Variants in DOCK10 observed in about 807,000 individuals in gnomAD.
DOCK10 encodes dedicator of cytokinesis protein 10.
In DOCK10, 145 loss-of-function variants were observed where a neutral mutation model predicts 280.1. The ratio of observed to expected loss-of-function variants is 0.52; its 90% CI spans 0.45 to 0.59. DOCK10 has a LOEUF of 0.59. DOCK10 is among the 20% of genes least tolerant of loss of function. DOCK10 has a pLI of 0.00. For missense variants in DOCK10, 2,368 were observed against 2,651.7 expected (o/e 0.89, Z 2.35); for synonymous variants, 915 against 942.2 (o/e 0.97, Z 0.53).
intron 1 of DOCK10, among the ~76,000 whole-genome samples, chr2:225,021,137 A>G (rs1689773651): frequency 6.6e-6 from 1 of 152,132 alleles, no homozygotes; most frequent in African/African-American, 2.4e-5. Flanking sequence ...CTTATCCAAA[A>G]CCACATTTCC....
chr2:224,917,525 G>T (rs1011396494), intron 2 of DOCK10, among the ~76,000 whole-genome samples: 3 of 151,960 alleles, frequency 2.0e-5, no homozygotes, highest in African/African-American at 7.3e-5. Flanking sequence ...GCGTGTGTGC[G>T]TGTGCCTGTG....
chr2:224,855,865 A>T lies in DOCK10; in HGVS notation c.1809-823T>A, dbSNP rs113255678. Among the ~76,000 whole-genome samples, 594 of 152,336 alleles carry T rather than the reference A, an allele frequency of 3.9e-3. 2 individuals are homozygous for T. Among genetic ancestry groups the T allele is most frequent in the African/African-American group, 0.01 (429 of 41,582 alleles). On this transcript the variant is annotated intron_variant, in intron 15 of 55. Transcript: ENST00000258390. ...CACAGCCGTTAATAAAAATTAAGTTACATAAACTTACCATTAAAGAAATTA... is the reference window on the plus strand; with the variant it reads ...CACAGCCGTTAATAAAAATTAAGTTTCATAAACTTACCATTAAAGAAATTA...
At chr2:224,823,858 T>A (rs1694668456) in intron 27 of DOCK10, among the ~76,000 whole-genome samples, 1 of 152,220 alleles carries the variant, frequency 6.6e-6, no homozygotes, top group East Asian at 1.9e-4. Context: ...TTTTGGTCAA[T>A]AAAATTTTCA....
At chr2:225,028,229 G>A (rs1027001030) in intron 1 of DOCK10, among the ~76,000 whole-genome samples, 4 of 152,116 alleles carry the variant, frequency 2.6e-5, no homozygotes, top group Non-Finnish European at 4.4e-5. Context: ...AAGCAGAAGC[G>A]TGGGTCCGAG....
chr2:225,002,156 G>A (rs1241867442), intron 1 of DOCK10, among the ~76,000 whole-genome samples: 1 of 152,140 alleles, frequency 6.6e-6, no homozygotes, highest in Admixed American at 6.5e-5. Context: ...AATGTGAAAG[G>A]CTATGTGGCT....
At chr2:224,882,946 C>G (rs975818453) in intron 7 of DOCK10, among the ~76,000 whole-genome samples, 1 of 152,184 alleles carries the variant, frequency 6.6e-6, no homozygotes, top group Non-Finnish European at 1.5e-5. Context: ...TGACAAGTGA[C>G]CCAGGTTTTG....
chr2:224,988,596 G>A (rs1325432985), intron 1 of DOCK10, among the ~76,000 whole-genome samples: 1 of 152,166 alleles, frequency 6.6e-6, no homozygotes, highest in Non-Finnish European at 1.5e-5. Flanking sequence ...ATCAGAATTA[G>A]AACTGGCATG....
At chr2:224,945,888 C>A (rs1343156390) in intron 1 of DOCK10, among the ~76,000 whole-genome samples, 3 of 152,006 alleles carry the variant, frequency 2.0e-5, no homozygotes, top group Non-Finnish European at 4.4e-5. Flanking sequence ...GGATAGAAGC[C>A]AGGAATTTGC....
intron 1 of DOCK10, among the ~76,000 whole-genome samples, chr2:225,021,517 C>T (rs1194597894): frequency 1.3e-5 from 2 of 152,184 alleles, no homozygotes; most frequent in Non-Finnish European, 2.9e-5. Flanking sequence ...AAGAGAAATT[C>T]AAGGATTTGT....
chr2:225,020,452 A>G (rs992491317), intron 1 of DOCK10, among the ~76,000 whole-genome samples: 2 of 152,304 alleles, frequency 1.3e-5, no homozygotes, highest in East Asian at 1.9e-4. Flanking sequence ...ACCTAGCAAC[A>G]TATATTTGAA....
rs1699240473 is a variant in DOCK10, at chr2:224,885,768, G to A, written c.650C>T (p.Pro217Leu). The change falls in exon 7 of 56, where the codon CCA (proline) becomes CTA (leucine). Residue 217 changes from proline (P) to leucine (L), a missense_variant. Pro to Leu is a moderately conservative substitution (Grantham distance 98). Coordinates refer to ENST00000258390, the MANE Select transcript of DOCK10 (RefSeq NM_014689.3). The stretch of plus-strand genomic sequence containing the variant: ...AAAGTTCATAATGTAGGAGTTATCT[G>A]GTAACTGAGTCAGCTGGAAGTAGCG... ...KKRYFQLTQL[P>L]DNSYIMNFYK... is the part of the protein sequence containing the mutation. 6.2e-7 allele frequency: 1 copy of A among 1,613,240 alleles called. No homozygotes were observed. The highest frequency in any genetic ancestry group is 1.3e-5 in the African/African-American group (1 of 74,876).
intron 1 of DOCK10, among the ~76,000 whole-genome samples, chr2:224,968,231 G>A (rs1704885338): frequency 1.3e-5 from 2 of 152,280 alleles, no homozygotes; most frequent in Non-Finnish European, 2.9e-5. Context: ...CAGTATTTTT[G>A]CTGACCGAAA....
At chr2:225,005,968 T>C (rs1463113475) in intron 1 of DOCK10, among the ~76,000 whole-genome samples, 1 of 152,162 alleles carries the variant, frequency 6.6e-6, no homozygotes, top group Non-Finnish European at 1.5e-5. Context: ...GACCACCCTC[T>C]AGGGTGTACA....
At chr2:224,767,039 T>C (rs1049582614) in intron 55 of DOCK10, among the ~76,000 whole-genome samples, 1 of 152,236 alleles carries the variant, frequency 6.6e-6, no homozygotes, top group Non-Finnish European at 1.5e-5. Context: ...GAATTGCATA[T>C]GTAGCTGAAA....
chr2:224,925,822 C>G (rs913216450), intron 2 of DOCK10, among the ~76,000 whole-genome samples: 10 of 152,194 alleles, frequency 6.6e-5, no homozygotes, highest in Non-Finnish European at 2.9e-5. Flanking sequence ...TCATTTCTGA[C>G]TTTCTCAACT....
rs1691964093 is a variant in DOCK10, at chr2:224,789,140, A to C, written c.5342T>G (p.Leu1781Trp). The change falls in exon 48 of 56, where the codon TTG (leucine) becomes TGG (tryptophan). Residue 1781 changes from leucine (L) to tryptophan (W), a missense_variant. This residue lies in a region of DOCK10 where 1,159 missense variants were observed against 1,400.8 expected (regional missense o/e 0.83). Coordinates refer to ENST00000258390, the MANE Select transcript of DOCK10 (RefSeq NM_014689.3). ...SMFSMGWPAF[L>W]SITPNIKEEG... ...TTCCTTAATGTTTGGTGTAATGCTC[A>C]AAAAAGCTGGCCATCCCATAGAGAA... 3.7e-6 allele frequency: 6 copies of C among 1,613,134 alleles called. No homozygotes were observed. The highest frequency in any genetic ancestry group is 5.1e-6 in the Non-Finnish European group (6 of 1,179,450).
chr2:224,796,966 G>T lies in DOCK10; in HGVS notation c.4825C>A (p.Gln1609Lys). The change falls in exon 43 of 56, where the codon CAA becomes AAA. Residue 1609 changes from glutamine to lysine, a missense_variant and splice_region_variant. Transcript: ENST00000258390. The stretch of plus-strand genomic sequence containing the variant: ...TAATGAAAATTGGCAGCACTTACTT[G>T]TAAGTGGGACCGGACAATTGACTTC... ...KQKSIVRSHL[Q>K]LIKAVSQLIA... 2 of 1,612,110 alleles carry T rather than the reference G, an allele frequency of 1.2e-6. No individual in the cohort carries two copies. Among genetic ancestry groups the T allele is most frequent in the Non-Finnish European group, 1.7e-6 (2 of 1,179,070 alleles).
At chr2:224,874,773 A>G (rs777424903) in intron 8 of DOCK10, 22 bp from the exon 9 acceptor site, 1 of 1,601,036 alleles carries the variant, frequency 6.2e-7, no homozygotes, top group East Asian at 2.2e-5. Context: ...ATACCAAGTC[A>G]GGTTATTAAA....
intron 1 of DOCK10, among the ~76,000 whole-genome samples, chr2:224,994,186 G>A (rs141978380): frequency 2.4e-4 from 36 of 152,262 alleles, no homozygotes; most frequent in Non-Finnish European, 4.4e-4. Context: ...GTGATATAAA[G>A]CTTCAAAATC....
Sources: allele counts gnomAD v4.1 joint callset (sites outside exome capture counted in the v4.1 genomes callset), GRCh38; gene constraint gnomAD v4.1.1; regional missense constraint gnomAD v4.1.1; transcripts MANE v1.5; gene names NCBI Gene and HGNC (gene_info 2026-07-23, HGNC 2026-07-21).